Variants in CALN1 observed in about 807,000 individuals in gnomAD.
The protein encoded by CALN1 is calneuron 1.
A neutral mutation model predicts 30.6 loss-of-function variants in CALN1; 17 were observed. That is an observed-to-expected ratio of 0.56 (90% confidence interval 0.38 to 0.83). The LOEUF (loss-of-function observed/expected upper bound fraction) is 0.83. Among genes scored for constraint, CALN1 ranks in the 40% least tolerant of loss-of-function variants. The pLI is 0.00. For missense variants in CALN1, 291 were observed against 354.9 expected (o/e 0.82, Z 1.45); for synonymous variants, 156 against 131.4 (o/e 1.19, Z -1.28).
intron 5 of CALN1, among the ~76,000 whole-genome samples, chr7:71,884,380 A>G (rs115033147): frequency 1.3e-3 from 197 of 152,194 alleles, no homozygotes; most frequent in African/African-American, 4.4e-3. Context: ...CCTTCCATCA[A>G]AACACTGGAC....
In CALN1 at chr7:72,393,742, CTTTTTT is replaced by C. The variant is rs11302119; in HGVS notation, c.119+9503_119+9508del. Among the ~76,000 whole-genome samples the C allele has an allele frequency of 5.6e-5, 7 of 125,782 alleles. No homozygotes were observed. The East Asian group carries it at 7.2e-4, about 13-fold the overall frequency. The allele number at this position is 125,782 out of a possible 152,430, so 82.5% of individuals were successfully genotyped here. Reference sequence around the variant, plus strand: ...GCCATTTAGCTTATTGACCATAGAGCTTTTTTTTTTTTTTTTTTCTATTTTGAGACA... The same window carrying C: ...GCCATTTAGCTTATTGACCATAGAGCTTTTTTTTTTTTCTATTTTGAGACA... On this transcript the variant is annotated intron_variant, in intron 2 of 6. Coordinates refer to ENST00000395275, the MANE Select transcript of CALN1 (RefSeq NM_031468.4).
At chr7:72,475,324 A>T in the CALN1 span, among the ~76,000 whole-genome samples, 1 of 152,044 alleles carries the variant, frequency 6.6e-6, no homozygotes, top group South Asian at 2.1e-4. Flanking sequence ...GCATGGTGGC[A>T]CGCGCCTGTA....
At chr7:72,309,346 T>C (rs1017421606) in intron 2 of CALN1, among the ~76,000 whole-genome samples, 4 of 152,068 alleles carry the variant, frequency 2.6e-5, no homozygotes, top group African/African-American at 9.7e-5. Flanking sequence ...TCAGTCTGTG[T>C]GCAAATAAAT....
intron 4 of CALN1, among the ~76,000 whole-genome samples, chr7:72,100,644 C>T (rs1050333640): frequency 6.6e-6 from 1 of 151,668 alleles, no homozygotes; most frequent in Non-Finnish European, 1.5e-5. Flanking sequence ...CAGTGAAACC[C>T]CATCTCTACT....
chr7:72,413,942 C>G (rs1807340528), upstream of CALN1, among the ~76,000 whole-genome samples: 1 of 152,050 alleles, frequency 6.6e-6, no homozygotes. Context: ...CTCACATATA[C>G]TCCCCCTTCC....
intron 4 of CALN1, among the ~76,000 whole-genome samples, chr7:72,102,741 G>C (rs561712081): frequency 6.6e-6 from 1 of 151,778 alleles, no homozygotes; most frequent in African/African-American, 2.4e-5. Context: ...CTTGTGTAGG[G>C]CTTGGGGAAA....
chr7:72,473,938 A>AT, the CALN1 span, among the ~76,000 whole-genome samples: 1 of 151,122 alleles, frequency 6.6e-6, no homozygotes, highest in East Asian at 1.9e-4. Flanking sequence ...AAAAAAAAAA[A>AT]AAAAGAAAGA....
intron 5 of CALN1, among the ~76,000 whole-genome samples, chr7:71,912,222 T>C (rs543630332): frequency 6.6e-6 from 1 of 152,046 alleles, no homozygotes; most frequent in East Asian, 1.9e-4. Context: ...GCCTAGTGAT[T>C]TCAGAAGATC....
At chr7:72,173,869 C>T (rs555212604) in intron 3 of CALN1, among the ~76,000 whole-genome samples, 22 of 151,056 alleles carry the variant, frequency 1.5e-4, no homozygotes. Context: ...TCTCTGTGAG[C>T]ATGAAATAAA....
intron 2 of CALN1, among the ~76,000 whole-genome samples, chr7:72,349,693 A>G (rs1802825721): frequency 6.6e-6 from 1 of 152,228 alleles, no homozygotes; most frequent in Non-Finnish European, 1.5e-5. Flanking sequence ...ACAATTAGTG[A>G]TGCTGAGCTT....
At chr7:72,297,275 CTTAG>C (rs970186455) in intron 2 of CALN1, among the ~76,000 whole-genome samples, 3 of 151,778 alleles carry the variant, frequency 2.0e-5, no homozygotes, top group Non-Finnish European at 2.9e-5. Flanking sequence ...ATGCTAACTT[CTTAG>C]TTAAAAAATA....
chr7:71,810,443 T>C lies in CALN1; in HGVS notation c.551A>G (p.His184Arg). The C allele has an allele frequency of 6.2e-7, 1 of 1,614,108 alleles. No individual in the cohort carries two copies. Among genetic ancestry groups the C allele is most frequent in the Non-Finnish European group, 8.5e-7 (1 of 1,180,004 alleles). The change falls in exon 6 of 7, where the codon CAT becomes CGT. Residue 184 changes from histidine to arginine, a missense_variant. Physicochemically the swap from His to Arg is conservative, Grantham distance 29. Transcript: ENST00000395275. ...CATCGTTAGGTGGTCTCGGAAGGCA[T>C]GATAGAGAATGTGCTTCAACTCTTC... ...TLEELKHILY[H>R]AFRDHLTMKD...
At chr7:72,153,632 T>C (rs1266638172) in intron 3 of CALN1, among the ~76,000 whole-genome samples, 1 of 151,994 alleles carries the variant, frequency 6.6e-6, no homozygotes, top group African/African-American at 2.4e-5. Flanking sequence ...CAGTGAGCCA[T>C]GATTCGTCAC....
intron 2 of CALN1, among the ~76,000 whole-genome samples, chr7:72,315,803 AG>A (rs1427126017): frequency 6.6e-6 from 1 of 152,208 alleles, no homozygotes; most frequent in Non-Finnish European, 1.5e-5. Flanking sequence ...AAATTAAAAT[AG>A]GAAAAAGCTT....
chr7:71,793,379 TTA>T (rs781586930), intron 6 of CALN1, among the ~76,000 whole-genome samples: 2 of 152,158 alleles, frequency 1.3e-5, no homozygotes, highest in African/African-American at 2.4e-5. Flanking sequence ...GAAATAGACC[TTA>T]GTCTGAGTCA....
chr7:71,817,170 T>C (rs1322790011), intron 5 of CALN1, among the ~76,000 whole-genome samples: 2 of 152,218 alleles, frequency 1.3e-5, no homozygotes, highest in East Asian at 1.9e-4. Flanking sequence ...TCTTCTGTGA[T>C]TGTCAGTCCA....
chr7:72,329,314 T>A (rs1801499857), intron 2 of CALN1, among the ~76,000 whole-genome samples: 2 of 152,220 alleles, frequency 1.3e-5, no homozygotes, highest in African/African-American at 2.4e-5. Context: ...CTCACTTTAT[T>A]GTACCACAGT....
chr7:72,364,149 T>A (rs1199823579), intron 2 of CALN1, among the ~76,000 whole-genome samples: 2 of 152,080 alleles, frequency 1.3e-5, no homozygotes, highest in African/African-American at 2.4e-5. Context: ...AAAAGAAAAC[T>A]TCAGTAGAGA....
At chr7:72,037,326 A>G (rs996761545) in intron 4 of CALN1, among the ~76,000 whole-genome samples, 1 of 151,610 alleles carries the variant, frequency 6.6e-6, no homozygotes, top group Non-Finnish European at 1.5e-5. Context: ...ATTTTTTTGT[A>G]TTTTTAGTAG....
Sources: gnomAD v4.1 joint callset for allele counts (sites outside exome capture counted in the v4.1 genomes callset) on GRCh38, gnomAD v4.1.1 for gene constraint, MANE v1.5 for transcripts, NCBI Gene and HGNC (gene_info 2026-07-23, HGNC 2026-07-21) for gene names.